Variants in IGSF23 observed in about 807,000 individuals in gnomAD.
IGSF23 encodes immunoglobulin superfamily, member 23.
A neutral mutation model predicts 17.8 loss-of-function variants in IGSF23; 14 were observed. The observed-to-expected ratio is 0.79, with a 90% confidence interval of 0.52 to 1.23. The LOEUF is 1.23. IGSF23 is among the 50% of genes most tolerant of loss of function. The pLI is 0.00. For synonymous variants in IGSF23, 85 were observed against 92.5 expected, an observed-to-expected ratio of 0.92 and a Z score of 0.46; for missense variants, 214 against 241.7, an observed-to-expected ratio of 0.89 and a Z score of 0.76.
intron 3 of IGSF23, among the ~76,000 whole-genome samples, chr19:44,634,883 A>G (rs552451533): frequency 2.0e-5 from 3 of 152,218 alleles, no homozygotes; most frequent in South Asian, 4.2e-4. Flanking sequence ...GATTAAGTAA[A>G]ATGGTGGGAG....
chr19:44,627,610 T>G, intron 3 of IGSF23, 37 bp downstream of exon 3: 1 of 1,527,144 alleles, frequency 6.5e-7, no homozygotes, highest in Non-Finnish European at 8.8e-7. Context: ...CTGGGCAACA[T>G]CCACTCAGCC....
In IGSF23 at chr19:44,634,700, T is replaced by C. The variant is rs371706834; in HGVS notation, c.546-701T>C. Among the ~76,000 whole-genome samples the C allele has an allele frequency of 5.1e-3, 771 of 151,936 alleles. 5 individuals carry two copies. Among genetic ancestry groups the C allele is most frequent in the African/African-American group, 0.018 (736 of 41,428 alleles). On this transcript the variant is annotated intron_variant, in intron 3 of 4. Transcript: ENST00000402988. ...GTTTATGGCCAGATTTTGGGGGGCA[T>C]GTTCCCAACAGAATCTCTTGAACCT...
chr19:44,625,702 G>A (rs1226164362), intron 2 of IGSF23, among the ~76,000 whole-genome samples: 3 of 152,130 alleles, frequency 2.0e-5, no homozygotes. Flanking sequence ...TTCATGGAGG[G>A]ACACATGGTG....
Position 44,623,863 on chromosome 19 carries a change from G to C in IGSF23, c.282G>C (p.Glu94Asp). 1 of 1,550,872 alleles carries C rather than the reference G, an allele frequency of 6.4e-7. No homozygotes were observed. The highest frequency in any genetic ancestry group is 8.7e-7 in the Non-Finnish European group (1 of 1,147,050). ...TFSGVPCGMG[E>D]KLFIRRLSCE... is the part of the protein sequence containing the mutation. ...GTGGGGTGCCCTGTGGGATGGGAGA[G>C]AAGCTGTTCATCCGACGGTTGTCCT... Residue 94 changes from glutamate (E) to aspartate (D), a missense_variant, in exon 2 of 5, where the codon GAG becomes GAC. Physicochemically the swap from Glu to Asp is conservative, Grantham distance 45. Transcript: ENST00000402988.
intron 1 of IGSF23, among the ~76,000 whole-genome samples, chr19:44,614,431 TTTTTG>T (rs905540554): frequency 6.6e-6 from 1 of 152,096 alleles, no homozygotes; most frequent in Non-Finnish European, 1.5e-5. Flanking sequence ...GGTTTTTGTT[TTTTTG>T]TTTTGTTTTG....
At chr19:44,617,463 T>TGTTA (rs1350862354) in intron 1 of IGSF23, among the ~76,000 whole-genome samples, 1 of 152,180 alleles carries the variant, frequency 6.6e-6, no homozygotes, top group Non-Finnish European at 1.5e-5. Context: ...GTAATGCATA[T>TGTTA]GTTAATTAGC....
chr19:44,620,089 TG>T (rs954611646), intron 1 of IGSF23, among the ~76,000 whole-genome samples: 1 of 151,950 alleles, frequency 6.6e-6, no homozygotes, highest in African/African-American at 2.4e-5. Context: ...ACCAACATGG[TG>T]AAACCCCGTA....
intron 3 of IGSF23, among the ~76,000 whole-genome samples, chr19:44,634,251 CT>C (rs1972835104): frequency 6.6e-6 from 1 of 152,222 alleles, no homozygotes; most frequent in Non-Finnish European, 1.5e-5. Flanking sequence ...ATCAGGTTCC[CT>C]TCTTTATCAA....
chr19:44,623,355 G>GGA (rs1290512451), intron 1 of IGSF23, among the ~76,000 whole-genome samples: 6 of 152,230 alleles, frequency 3.9e-5, no homozygotes, highest in Non-Finnish European at 7.3e-5. Flanking sequence ...TAGCAGAGAG[G>GGA]GAGCTGGGGA....
chr19:44,614,462 T>G (rs1231021113), intron 1 of IGSF23, among the ~76,000 whole-genome samples: 2 of 152,220 alleles, frequency 1.3e-5, no homozygotes, highest in Admixed American at 1.3e-4. Context: ...AGACAAGGTC[T>G]TGCTCTGTTG....
At chr19:44,633,336 C>T (rs973451448) in intron 3 of IGSF23, among the ~76,000 whole-genome samples, 6 of 152,194 alleles carry the variant, frequency 3.9e-5, no homozygotes, top group Middle Eastern at 3.2e-3. Context: ...TAATCTTTGG[C>T]GGGAACTTTG....
In IGSF23 at chr19:44,613,638, GT is replaced by G; in HGVS notation, c.-7del. On this transcript the variant is annotated 5_prime_UTR_variant, in exon 1 of 5. Coordinates refer to ENST00000402988, the MANE Select transcript of IGSF23 (RefSeq NM_001205280.2). ...TCCATCTCCCGGCGGGGATTGTACG[GT>G]GAGAGAATGAGAGCAAAACCTCAGA... The G allele has an allele frequency of 6.5e-7, 1 of 1,543,718 alleles. No individual in the cohort carries two copies. Among genetic ancestry groups the G allele is most frequent in the Non-Finnish European group, 8.8e-7 (1 of 1,142,256 alleles).
intron 3 of IGSF23, 28 bp from the exon 4 acceptor site, chr19:44,635,373 T>G (rs1568492490): frequency 7.8e-6 from 7 of 902,136 alleles, no homozygotes; most frequent in Non-Finnish European, 1.0e-5. Flanking sequence ...TCTCTCTCTC[T>G]CTGTCTCTCT....
chr19:44,619,139 AAGAG>A (rs1380115257), intron 1 of IGSF23, among the ~76,000 whole-genome samples: 2 of 152,116 alleles, frequency 1.3e-5, no homozygotes, highest in African/African-American at 4.8e-5. Context: ...GAACAGGAGC[AAGAG>A]AAAGAGAGAG....
rs1227020087 is a variant in IGSF23 at position 44,636,737 on chromosome 19, TTC to T, written c.*354_*355del. The T allele has an allele frequency of 6.6e-6, 1 of 152,210 alleles. No individual in the cohort carries two copies. Among genetic ancestry groups the T allele is most frequent in the Non-Finnish European group, 1.5e-5 (1 of 68,036 alleles). The allele number at this position is 152,210 out of a possible 1,614,324, so 9.4% of individuals were successfully genotyped here. On this transcript the variant is annotated 3_prime_UTR_variant, in exon 5 of 5. Coordinates refer to ENST00000402988, the MANE Select transcript of IGSF23 (RefSeq NM_001205280.2). The stretch of plus-strand genomic sequence containing the variant: ...GTCTTTTACACATGCTGCTTTTTTT[TTC>T]TCTTTTTCAAAAAGAACCAAAAAAT...
chr19:44,635,807 T>C (rs1048204099), intron 4 of IGSF23, among the ~76,000 whole-genome samples: 2 of 152,210 alleles, frequency 1.3e-5, no homozygotes, highest in African/African-American at 4.8e-5. Flanking sequence ...CAGCAATCCA[T>C]AGGTGTGAGT....
At chr19:44,616,130 G>A (rs1279009798) in intron 1 of IGSF23, among the ~76,000 whole-genome samples, 1 of 149,720 alleles carries the variant, frequency 6.7e-6, no homozygotes, top group Admixed American at 6.7e-5. Context: ...CAGGACAAGC[G>A]TAGGGGTGGA....
At chr19:44,631,719 T>C (rs1972770741) in intron 3 of IGSF23, among the ~76,000 whole-genome samples, 1 of 152,248 alleles carries the variant, frequency 6.6e-6, no homozygotes, top group African/African-American at 2.4e-5. Context: ...AGCAAAGGGA[T>C]GGGCTGAAAT....
chr19:44,620,429 C>T (rs899310414), intron 1 of IGSF23, among the ~76,000 whole-genome samples: 3 of 150,378 alleles, frequency 2.0e-5, no homozygotes, highest in Non-Finnish European at 3.0e-5. Flanking sequence ...TGAAGTGGTG[C>T]GATCTCGGCT....
Sources: allele counts gnomAD v4.1 joint callset (sites outside exome capture counted in the v4.1 genomes callset), GRCh38; gene constraint gnomAD v4.1.1; transcripts MANE v1.5; gene names NCBI Gene and HGNC (gene_info 2026-07-23, HGNC 2026-07-21).